The following TANK variants were observed in gnomAD, a reference collection of about 807,000 sequenced individuals.
The protein encoded by TANK is TRAF family member-associated NF-kappa-B activator.
TANK carries 15 observed loss-of-function variants against 43.6 expected under a neutral mutation model. The observed-to-expected ratio is 0.34, with a 90% CI of 0.23 to 0.53. TANK has a LOEUF of 0.53. Ranked by LOEUF, TANK falls within the 20% of genes least tolerant of loss-of-function variation. The pLI is 0.94. For synonymous variants in TANK, 162 were observed against 178.2 expected, an observed-to-expected ratio of 0.91 and a Z score of 0.73; for missense variants, 417 against 498.6, an observed-to-expected ratio of 0.84 and a Z score of 1.56.
chr2:161,156,389 G>C (rs1347442154), upstream of TANK: 1 of 982,866 alleles, frequency 1.0e-6, no homozygotes, highest in East Asian at 1.1e-4. Flanking sequence ...CTTGTCTCTA[G>C]TTCCCTCCTT....
At chr2:161,185,515 AC>A (rs1212510368) in intron 2 of TANK, among the ~76,000 whole-genome samples, 1 of 151,754 alleles carries the variant, frequency 6.6e-6, no homozygotes, top group African/African-American at 2.4e-5. Context: ...GATGAATGAA[AC>A]AATGTGGAAG....
chr2:161,201,326 T>G, intron 2 of TANK: 1 of 882,272 alleles, frequency 1.1e-6, no homozygotes, highest in Non-Finnish European at 1.4e-6. Context: ...GCAGATGTGC[T>G]AAAGTATGTT....
At chr2:161,213,042 G>A (rs906859985) in intron 4 of TANK, among the ~76,000 whole-genome samples, 1 of 152,164 alleles carries the variant, frequency 6.6e-6, no homozygotes, top group Non-Finnish European at 1.5e-5. Flanking sequence ...GAGAGAGAGG[G>A]GAGGTGGCAG....
upstream of TANK, chr2:161,156,245 C>T: frequency 4.1e-6 from 4 of 985,332 alleles, no homozygotes; most frequent in Non-Finnish European, 4.8e-6. Context: ...CAAGCTTTTA[C>T]TCTAATCATT....
At chr2:161,210,696 TAAAA>T (rs779556160) in intron 4 of TANK, among the ~76,000 whole-genome samples, 2 of 91,044 alleles carry the variant, frequency 2.2e-5, no homozygotes, top group Non-Finnish European at 2.3e-5. Flanking sequence ...AAACTCCGTC[TAAAA>T]AAAAAAAAAA....
At chr2:161,212,821 C>T (rs1442249063) in intron 4 of TANK, 2 of 954,500 alleles carry the variant, frequency 2.1e-6, no homozygotes, top group Non-Finnish European at 2.5e-6. Flanking sequence ...AGCCCCCTGT[C>T]CACCTCCATC....
intron 2 of TANK, among the ~76,000 whole-genome samples, chr2:161,184,639 C>CCTGAAT (rs1329361415): frequency 6.6e-6 from 1 of 151,996 alleles, no homozygotes; most frequent in African/African-American, 2.4e-5. Flanking sequence ...AGCAGGGGTG[C>CCTGAAT]CTGAATGCAG....
At chr2:161,217,228 A>G (rs976214158) in intron 4 of TANK, among the ~76,000 whole-genome samples, 4 of 152,196 alleles carry the variant, frequency 2.6e-5, no homozygotes, top group South Asian at 2.1e-4. Context: ...TCTCCATTCA[A>G]TCCTTAGAGC....
At chr2:161,211,633 G>T (rs1047512248) in intron 4 of TANK, 28 of 326,388 alleles carry the variant, frequency 8.6e-5, no homozygotes, top group Non-Finnish European at 1.2e-4. Flanking sequence ...TTCTAAAAGA[G>T]GAACTTGAAA....
intron 1 of TANK, among the ~76,000 whole-genome samples, chr2:161,140,362 T>C (rs556573916): frequency 2.4e-4 from 37 of 152,284 alleles, no homozygotes; most frequent in African/African-American, 8.9e-4. Flanking sequence ...AATTACTCTT[T>C]TTAAAAATTT....
chr2:161,204,637 G>T lies in TANK; in HGVS notation c.209-38G>T, dbSNP rs368155960. On this transcript the variant is annotated intron_variant, in intron 3 of 7. Coordinates refer to ENST00000392749, the MANE Select transcript of TANK (RefSeq NM_001199135.3). ...TTTTTCAGGTGGTACCAAAAATAAGGGTTTTCTGCTAATGTCCAAGAGGTT... is the reference window on the plus strand; with the variant it reads ...TTTTTCAGGTGGTACCAAAAATAAGTGTTTTCTGCTAATGTCCAAGAGGTT... 16 of 1,574,330 alleles carry T rather than the reference G, an allele frequency of 1.0e-5. No homozygotes were observed. In the South Asian group the frequency reaches 1.8e-4, roughly 17 times the overall value.
intron 1 of TANK, among the ~76,000 whole-genome samples, chr2:161,165,506 C>T (rs565656810): frequency 6.6e-6 from 1 of 152,192 alleles, no homozygotes; most frequent in Admixed American, 6.5e-5. Context: ...AGTAGAAATG[C>T]CTTTCCCTTG....
chr2:161,223,875 C>A, intron 4 of TANK, 40 bp from the exon 5 acceptor site: 1 of 1,309,914 alleles, frequency 7.6e-7, no homozygotes, highest in Non-Finnish European at 1.1e-6. Flanking sequence ...AATTTGGGAG[C>A]AATTTAAAGT....
chr2:161,208,796 A>G lies in TANK; in HGVS notation c.327+4003A>G, dbSNP rs539754600. ...ACTCAAAGTAAGGGATCTGAGAGAG[A>G]GAAAGGTGCCCTCTGTGACGTAGTC... On this transcript the variant is annotated intron_variant, in intron 4 of 7. Transcript: ENST00000392749. Among the ~76,000 whole-genome samples, 9 of 152,336 alleles carry G rather than the reference A, an allele frequency of 5.9e-5. No homozygotes were observed. In the South Asian group the frequency reaches 1.9e-3, roughly 32 times the overall value.
At chr2:161,199,879 A>G (rs1038230311) in intron 2 of TANK, among the ~76,000 whole-genome samples, 3 of 152,190 alleles carry the variant, frequency 2.0e-5, no homozygotes, top group Admixed American at 6.5e-5. Flanking sequence ...CCCTGTCTCT[A>G]TACAAATAAC....
intron 2 of TANK, among the ~76,000 whole-genome samples, chr2:161,199,221 T>A (rs1046500715): frequency 3.3e-5 from 5 of 152,148 alleles, no homozygotes; most frequent in Admixed American, 6.5e-5. Flanking sequence ...TGGAATAATT[T>A]GAAAGGTTTT....
chr2:161,188,452 A>ATC (rs1480238527), intron 2 of TANK, among the ~76,000 whole-genome samples: 9 of 152,302 alleles, frequency 5.9e-5, no homozygotes, highest in African/African-American at 2.2e-4. Context: ...CTAGAAACAC[A>ATC]CTAACTACTA....
intron 2 of TANK, among the ~76,000 whole-genome samples, chr2:161,196,272 G>C (rs760766771): frequency 6.6e-6 from 1 of 152,042 alleles, no homozygotes; most frequent in African/African-American, 2.4e-5. Flanking sequence ...TGGTAATTGG[G>C]GGAAATCATC....
chr2:161,216,847 A>G (rs1469257455), intron 4 of TANK, among the ~76,000 whole-genome samples: 1 of 152,212 alleles, frequency 6.6e-6, no homozygotes, highest in African/African-American at 2.4e-5. Context: ...TTGGGAGAAC[A>G]TTATGTAAAC....
Sources: allele counts gnomAD v4.1 joint callset (sites outside exome capture counted in the v4.1 genomes callset), GRCh38; gene constraint gnomAD v4.1.1; transcripts MANE v1.5; gene names NCBI Gene and HGNC (gene_info 2026-07-23, HGNC 2026-07-21).